Variants in GSG1L observed in about 807,000 individuals in gnomAD.
GSG1L encodes GSG1 like.
Under a neutral mutation model 42.1 loss-of-function variants are expected in GSG1L, and 24 were observed. The ratio of observed to expected loss-of-function variants is 0.57; its 90% CI spans 0.41 to 0.80. The LOEUF (loss-of-function observed/expected upper bound fraction) is 0.80, where lower values mean the gene tolerates loss of function less well. GSG1L is among the 30% of genes least tolerant of loss of function. GSG1L has a pLI of 0.00. For synonymous variants in GSG1L, 215 were observed against 203.5 expected, an observed-to-expected ratio of 1.06 and a Z score of -0.48; for missense variants, 445 against 472.2, an observed-to-expected ratio of 0.94 and a Z score of 0.53.
In GSG1L at chr16:27,888,779, G is replaced by A. The variant is rs141774109; in HGVS notation, c.398-4141C>T. ...ATTGCAGGCACCCACCACCATGCCC[G>A]GCTAATTTTTGTATTTTTAGTAGAG... On this transcript the variant is annotated intron_variant, in intron 2 of 6. Coordinates refer to ENST00000447459, the MANE Select transcript of GSG1L (RefSeq NM_001109763.2). 1.0e-2 allele frequency among the ~76,000 whole-genome samples: 1,504 copies of A among 150,518 alleles called. 11 individuals carry two copies. The highest frequency in any genetic ancestry group is 0.033 in the African/African-American group (1,366 of 40,830).
intron 2 of GSG1L, among the ~76,000 whole-genome samples, chr16:27,926,713 A>G (rs947847492): frequency 6.6e-6 from 1 of 152,094 alleles, no homozygotes; most frequent in African/African-American, 2.4e-5. Context: ...ACGAAAAAAA[A>G]CCTTAGATAA....
At chr16:27,927,320 G>T (rs1018808766) in intron 2 of GSG1L, among the ~76,000 whole-genome samples, 1 of 151,882 alleles carries the variant, frequency 6.6e-6, no homozygotes, top group Non-Finnish European at 1.5e-5. Context: ...CAATTTTTTT[G>T]TAGAGATGGG....
At position 27,811,679 on chromosome 16, in the gene GSG1L, C is replaced by T. The variant is rs1372427273; in HGVS notation, c.831-4125G>A. On this transcript the variant is annotated intron_variant, in intron 5 of 6. Transcript: ENST00000447459. ...TGTTGTTGTTGTTGAGACGGAGTCT[C>T]GCTCTGTCGCCCAGGCTGGCATGCA... Among the ~76,000 whole-genome samples, 7 of 152,314 alleles carry T rather than the reference C, an allele frequency of 4.6e-5. 1 individual carries two copies. The highest frequency in any genetic ancestry group is 4.2e-4 in the South Asian group (2 of 4,816).
intron 2 of GSG1L, among the ~76,000 whole-genome samples, chr16:27,943,557 T>C (rs533984751): frequency 1.5e-3 from 209 of 143,440 alleles, no homozygotes; most frequent in Non-Finnish European, 2.7e-3. Flanking sequence ...ATTTTCTTTT[T>C]CTTTGTTTCT....
At chr16:27,916,486 CTTTTTTT>C (rs35176989) in intron 2 of GSG1L, among the ~76,000 whole-genome samples, 1 of 114,856 alleles carries the variant, frequency 8.7e-6, no homozygotes. Context: ...ATTTTTAATC[CTTTTTTT>C]TTTTTTTTTT....
chr16:28,044,769 G>A (rs994632443), intron 1 of GSG1L, among the ~76,000 whole-genome samples: 5 of 152,078 alleles, frequency 3.3e-5, no homozygotes, highest in African/African-American at 7.2e-5. Context: ...GATTAGAGGC[G>A]TGTGCCACCA....
At position 27,943,814 on chromosome 16, in the gene GSG1L, C is replaced by T. The variant is rs565024833; in HGVS notation, c.397+19342G>A. ...TGGTCTCAAACTCCTGGCCTCAATC[C>T]TCCATCCGTCTTTGCCTCCCAAAGT... On this transcript the variant is annotated intron_variant, in intron 2 of 6. Coordinates refer to ENST00000447459, the MANE Select transcript of GSG1L (RefSeq NM_001109763.2). Among the ~76,000 whole-genome samples the T allele has an allele frequency of 3.9e-5, 6 of 151,932 alleles. No homozygotes were observed. The South Asian group carries it at 1.2e-3, about 32-fold the overall frequency.
intron 1 of GSG1L, among the ~76,000 whole-genome samples, chr16:28,057,024 C>T (rs1185367654): frequency 2.0e-5 from 3 of 152,048 alleles, no homozygotes; most frequent in Admixed American, 1.3e-4. Flanking sequence ...GTACAAAAGC[C>T]TCGGCCTGTC....
At chr16:28,024,873 C>G (rs1163502610) in intron 1 of GSG1L, among the ~76,000 whole-genome samples, 1 of 152,240 alleles carries the variant, frequency 6.6e-6, no homozygotes. Context: ...AGCCCATCCT[C>G]CATGCCCAGA....
intron 5 of GSG1L, among the ~76,000 whole-genome samples, chr16:27,812,958 T>G (rs2083050136): frequency 6.6e-6 from 1 of 152,018 alleles, no homozygotes; most frequent in African/African-American, 2.4e-5. Flanking sequence ...TTTTGTAGTT[T>G]TAGTAGAGAC....
At chr16:27,945,889 C>T (rs2084854406) in intron 2 of GSG1L, among the ~76,000 whole-genome samples, 1 of 152,250 alleles carries the variant, frequency 6.6e-6, no homozygotes, top group African/African-American at 2.4e-5. Context: ...AATGATGAGG[C>T]CACAGGAGCC....
chr16:28,034,145 A>G lies in GSG1L; in HGVS notation c.349+28931T>C, dbSNP rs532766630. Among the ~76,000 whole-genome samples the G allele has an allele frequency of 1.0e-3, 153 of 146,340 alleles. 1 individual carries two copies. Among genetic ancestry groups the G allele is most frequent in the Non-Finnish European group, 2.4e-4 (16 of 66,988 alleles). On this transcript the variant is annotated intron_variant, in intron 1 of 6. Coordinates refer to ENST00000447459, the MANE Select transcript of GSG1L (RefSeq NM_001109763.2). ...ATCCCATCCCATCCCATCCCAGCCT[A>G]TCCCATCCCATCCCGTTCCACCCCA...
intron 5 of GSG1L, among the ~76,000 whole-genome samples, chr16:27,824,990 G>T (rs1473304595): frequency 6.6e-6 from 1 of 152,230 alleles, no homozygotes; most frequent in East Asian, 1.9e-4. Context: ...CACAGCCTGG[G>T]ACGAGATGAG....
chr16:28,011,127 T>A (rs556789590), intron 1 of GSG1L, among the ~76,000 whole-genome samples: 1 of 152,290 alleles, frequency 6.6e-6, no homozygotes, highest in East Asian at 1.9e-4. Context: ...TCCAACAAGG[T>A]TTCCCCTGGA....
chr16:27,972,477 C>A (rs1348193786), intron 1 of GSG1L, among the ~76,000 whole-genome samples: 2 of 152,214 alleles, frequency 1.3e-5, no homozygotes, highest in Non-Finnish European at 2.9e-5. Context: ...AGAAGTGACC[C>A]ATAAAATATC....
intron 2 of GSG1L, among the ~76,000 whole-genome samples, chr16:27,940,760 G>A (rs553725490): frequency 1.1e-4 from 16 of 148,264 alleles, no homozygotes; most frequent in East Asian, 3.9e-4. Context: ...GCTAAATGAC[G>A]AGTTGATGGG....
chr16:27,873,877 A>G (rs1471749831), intron 3 of GSG1L, among the ~76,000 whole-genome samples: 1 of 152,188 alleles, frequency 6.6e-6, no homozygotes, highest in Non-Finnish European at 1.5e-5. Flanking sequence ...TAGCATCTAA[A>G]ACACACAGGG....
At chr16:27,859,373 A>T (rs951302522) in intron 3 of GSG1L, among the ~76,000 whole-genome samples, 1 of 152,214 alleles carries the variant, frequency 6.6e-6, no homozygotes, top group Admixed American at 6.5e-5. Context: ...ACAAAGCTGG[A>T]GTGAGGTCAC....
At chr16:27,810,700 T>G (rs2083021183) in intron 5 of GSG1L, among the ~76,000 whole-genome samples, 2 of 152,128 alleles carry the variant, frequency 1.3e-5, no homozygotes, top group Admixed American at 1.3e-4. Flanking sequence ...TTTTTCTTTT[T>G]TTTTTTAGAT....
Sources: allele counts gnomAD v4.1 joint callset (sites outside exome capture counted in the v4.1 genomes callset), GRCh38; gene constraint gnomAD v4.1.1; transcripts MANE v1.5; gene names NCBI Gene and HGNC (gene_info 2026-07-23, HGNC 2026-07-21).